C12orf42: variants seen among roughly 807,000 people sequenced by gnomAD.
The protein encoded by C12orf42 is uncharacterized protein C12orf42.
In C12orf42, 25 loss-of-function variants were observed where a neutral mutation model predicts 21.6. The ratio of observed to expected loss-of-function variants is 1.16; its 90% CI spans 0.84 to 1.62. The LOEUF (loss-of-function observed/expected upper bound fraction) is 1.62, where lower values mean the gene tolerates loss of function less well. Ranked by LOEUF, C12orf42 falls within the 40% of genes most tolerant of loss-of-function variation. The pLI is 0.00. For missense variants in C12orf42, 483 were observed against 459.3 expected, an observed-to-expected ratio of 1.05 and a Z score of -0.47; for synonymous variants, 174 against 175.0, an observed-to-expected ratio of 0.99 and a Z score of 0.05.
chr12:103,490,458 A>C (rs2138184294), intron 1 of C12orf42, among the ~76,000 whole-genome samples: 1 of 152,192 alleles, frequency 6.6e-6, no homozygotes, highest in South Asian at 2.1e-4. Flanking sequence ...TTTTGTATTT[A>C]TTTGGTATTG....
chr12:103,091,593 C>T, the C12orf42 span, among the ~76,000 whole-genome samples: 1 of 152,066 alleles, frequency 6.6e-6, no homozygotes, highest in Non-Finnish European at 1.5e-5. Flanking sequence ...AAATGCAGGT[C>T]TGTAATTAAT....
intron 5 of C12orf42, among the ~76,000 whole-genome samples, chr12:103,271,700 G>A (rs2035486314): frequency 6.6e-6 from 1 of 152,112 alleles, no homozygotes; most frequent in Non-Finnish European, 1.5e-5. Flanking sequence ...GAAGAGTAAG[G>A]CCAAGGACAC....
the C12orf42 span, among the ~76,000 whole-genome samples, chr12:103,199,790 T>A: frequency 1.3e-5 from 2 of 152,210 alleles, no homozygotes; most frequent in Non-Finnish European, 2.9e-5. Context: ...CCTGTTAGGA[T>A]GGCTTTTGTT....
the C12orf42 span, among the ~76,000 whole-genome samples, chr12:103,507,012 TA>T: frequency 1.7e-3 from 16 of 9,180 alleles, 2 homozygotes; most frequent in African/African-American, 0.011. Flanking sequence ...ATATTATATA[TA>T]AATATATATT....
the C12orf42 span, among the ~76,000 whole-genome samples, chr12:103,121,169 C>T: frequency 7.2e-5 from 11 of 152,060 alleles, no homozygotes; most frequent in East Asian, 1.9e-4. Context: ...TGATAATGGA[C>T]GATGTTGTTT....
chr12:103,074,824 G>A, the C12orf42 span, among the ~76,000 whole-genome samples: 6 of 152,136 alleles, frequency 3.9e-5, no homozygotes, highest in Non-Finnish European at 7.4e-5. Flanking sequence ...AATGGCTCAC[G>A]CCTCTAATCT....
At chr12:103,090,279 G>C in the C12orf42 span, among the ~76,000 whole-genome samples, 21 of 152,108 alleles carry the variant, frequency 1.4e-4, no homozygotes, top group African/African-American at 5.1e-4. Flanking sequence ...GAAGTGAATG[G>C]CTATGGCACC....
chr12:103,095,385 G>C, the C12orf42 span, among the ~76,000 whole-genome samples: 9 of 152,026 alleles, frequency 5.9e-5, no homozygotes, highest in African/African-American at 2.2e-4. Flanking sequence ...CCTTCACACT[G>C]GTCTCCTTGC....
chr12:103,452,707 T>C (rs1005418417), intron 2 of C12orf42, among the ~76,000 whole-genome samples: 5 of 152,204 alleles, frequency 3.3e-5, no homozygotes, highest in South Asian at 4.1e-4. Context: ...TAAAAAAGGA[T>C]GAGTTCATGT....
the C12orf42 span, among the ~76,000 whole-genome samples, chr12:103,210,031 C>T: frequency 1.3e-5 from 2 of 152,038 alleles, no homozygotes; most frequent in Non-Finnish European, 2.9e-5. Flanking sequence ...CCTTTCCTGG[C>T]ATCTTAGCTG....
intron 2 of C12orf42, among the ~76,000 whole-genome samples, chr12:103,424,161 C>A (rs1464982169): frequency 3.3e-5 from 5 of 152,190 alleles, no homozygotes; most frequent in African/African-American, 1.2e-4. Flanking sequence ...GATTAAGATC[C>A]CCCTGCACAT....
At chr12:103,112,813 A>G in the C12orf42 span, among the ~76,000 whole-genome samples, 1 of 152,132 alleles carries the variant, frequency 6.6e-6, no homozygotes, top group African/African-American at 2.4e-5. Context: ...CAAGCTCTCC[A>G]TGGCTGAGAT....
the C12orf42 span, among the ~76,000 whole-genome samples, chr12:103,051,940 T>G: frequency 6.6e-6 from 1 of 152,222 alleles, no homozygotes; most frequent in South Asian, 2.1e-4. Flanking sequence ...TTTCTAAACT[T>G]CATTAAATGA....
the C12orf42 span, among the ~76,000 whole-genome samples, chr12:103,526,033 AC>A: frequency 2.0e-5 from 3 of 152,204 alleles, no homozygotes; most frequent in Non-Finnish European, 4.4e-5. Flanking sequence ...CTCAAAAAAA[AC>A]AAAACAAAAC....
At chr12:103,411,003 A>T (rs1375123677) in intron 2 of C12orf42, among the ~76,000 whole-genome samples, 2 of 151,772 alleles carry the variant, frequency 1.3e-5, no homozygotes, top group African/African-American at 4.9e-5. Flanking sequence ...TTGAACCAAG[A>T]TGTGTGCCCA....
chr12:103,053,728 T>C, the C12orf42 span, among the ~76,000 whole-genome samples: 1 of 151,974 alleles, frequency 6.6e-6, no homozygotes, highest in Non-Finnish European at 1.5e-5. Context: ...TTTGTATTTC[T>C]ACAGTTTTCA....
chr12:103,403,230 G>A (rs2048159650), intron 2 of C12orf42, among the ~76,000 whole-genome samples: 1 of 152,066 alleles, frequency 6.6e-6, no homozygotes, highest in African/African-American at 2.4e-5. Context: ...AAAAAAATTA[G>A]CCGGGAGTGG....
chr12:103,322,102 C>G (rs905443706), intron 4 of C12orf42, among the ~76,000 whole-genome samples: 1 of 108,720 alleles, frequency 9.2e-6, no homozygotes, highest in African/African-American at 4.9e-5. Flanking sequence ...CAGATGTGCA[C>G]GCGCGTGCGT....
intron 10 of C12orf42, among the ~76,000 whole-genome samples, chr12:103,259,623 GGTTTTT>G (rs1428152617): frequency 5.3e-5 from 8 of 152,100 alleles, no homozygotes; most frequent in Non-Finnish European, 4.4e-5. Context: ...TTTTTATATA[GGTTTTT>G]GTTTAACTAT....
Sources: allele counts gnomAD v4.1 joint callset (sites outside exome capture counted in the v4.1 genomes callset), GRCh38; gene constraint gnomAD v4.1.1; transcripts MANE v1.5; gene names NCBI Gene and HGNC (gene_info 2026-07-23, HGNC 2026-07-21).